Variants in KIF26B observed in about 807,000 individuals in gnomAD.
KIF26B encodes the protein kinesin-like protein KIF26B.
Under a neutral mutation model 151.2 loss-of-function variants are expected in KIF26B, and 63 were observed. That is an observed-to-expected ratio of 0.42 (90% confidence interval 0.34 to 0.51). The LOEUF is 0.51. Among genes scored for constraint, KIF26B ranks in the 20% least tolerant of loss-of-function variants. KIF26B has a pLI of 0.07. For synonymous variants in KIF26B, 1,357 were observed against 1,262.1 expected (o/e 1.08, Z -1.59); for missense variants, 2,813 against 2,913.6 (o/e 0.97, Z 0.79).
At chr1:245,398,827 G>A (rs1229788778) in intron 3 of KIF26B, among the ~76,000 whole-genome samples, 1 of 151,622 alleles carries the variant, frequency 6.6e-6, no homozygotes, top group Non-Finnish European at 1.5e-5. Flanking sequence ...TTACAGAAAA[G>A]TTGCAAGAAT....
chr1:245,696,488 G>A (rs1048140537), intron 12 of KIF26B, among the ~76,000 whole-genome samples: 35 of 152,232 alleles, frequency 2.3e-4, no homozygotes, highest in Admixed American at 2.3e-3. Context: ...CAACCCACAG[G>A]GATATGTGAG....
At chr1:245,288,431 C>T (rs1671202217) in intron 2 of KIF26B, among the ~76,000 whole-genome samples, 1 of 152,174 alleles carries the variant, frequency 6.6e-6, no homozygotes, top group Non-Finnish European at 1.5e-5. Flanking sequence ...GCCTCCGGAA[C>T]ATACTTCCAA....
intron 9 of KIF26B, among the ~76,000 whole-genome samples, chr1:245,645,907 G>T (rs536225197): frequency 2.1e-4 from 32 of 152,332 alleles, no homozygotes; most frequent in Non-Finnish European, 4.0e-4. Context: ...GTAGGCTTTA[G>T]AAGGTCAGTG....
At chr1:245,377,373 C>T (rs1209453160) in intron 3 of KIF26B, among the ~76,000 whole-genome samples, 1 of 152,178 alleles carries the variant, frequency 6.6e-6, no homozygotes, top group Non-Finnish European at 1.5e-5. Context: ...TCTGATGCAT[C>T]CCTCCAATCT....
In KIF26B at chr1:245,576,190, C is replaced by T. The variant is rs148192577; in HGVS notation, c.1351-26387C>T. Among the ~76,000 whole-genome samples, 39 of 152,220 alleles carry T rather than the reference C, an allele frequency of 2.6e-4. No homozygotes were observed. In the Middle Eastern group the frequency reaches 0.01, roughly 40 times the overall value. Reference sequence around the variant, plus strand: ...ACAAGCGCAGGTGATCCTCATGAGCCCAGACTGATATTTCTAAATTATCTA... The same window carrying T: ...ACAAGCGCAGGTGATCCTCATGAGCTCAGACTGATATTTCTAAATTATCTA... On this transcript the variant is annotated intron_variant, in intron 5 of 14. Coordinates refer to ENST00000407071, the MANE Select transcript of KIF26B (RefSeq NM_018012.4).
intron 5 of KIF26B, among the ~76,000 whole-genome samples, chr1:245,568,364 A>G (rs1315236726): frequency 6.6e-6 from 1 of 151,460 alleles, no homozygotes; most frequent in Non-Finnish European, 1.5e-5. Context: ...GTTTTTTAAA[A>G]ATTAGCCAGG....
intron 2 of KIF26B, among the ~76,000 whole-genome samples, chr1:245,364,422 C>CTT (rs763619030): frequency 0.02 from 1,950 of 98,692 alleles, 16 homozygotes; most frequent in African/African-American, 0.025. Context: ...CTCTCTCTCT[C>CTT]TTTTTTTTTT....
intron 2 of KIF26B, among the ~76,000 whole-genome samples, chr1:245,361,897 G>C (rs1672827255): frequency 6.6e-6 from 1 of 151,986 alleles, no homozygotes; most frequent in South Asian, 2.1e-4. Context: ...TGTCAGTGCA[G>C]ATGATAGAAC....
chr1:245,653,533 T>G (rs1016057468), intron 10 of KIF26B, among the ~76,000 whole-genome samples: 1 of 152,166 alleles, frequency 6.6e-6, no homozygotes, highest in Admixed American at 6.5e-5. Flanking sequence ...ACATAGGTAC[T>G]GTAATCATAC....
In KIF26B at chr1:245,606,402, A is replaced by G. The variant is rs547623708; in HGVS notation, c.1558-1249A>G. Among the ~76,000 whole-genome samples, 171 of 151,640 alleles carry G rather than the reference A, an allele frequency of 1.1e-3. 1 individual carries two copies. The highest frequency in any genetic ancestry group is 4.0e-3 in the African/African-American group (168 of 41,572). ...GCCCCATGTTAGCACTGCCTCCCGG[A>G]GCTCCCACGAGCCCTGACTCCGGCC... is the stretch of plus-strand genomic sequence containing the variant. On this transcript the variant is annotated intron_variant, in intron 6 of 14. Coordinates refer to ENST00000407071, the MANE Select transcript of KIF26B (RefSeq NM_018012.4). The surrounding 1 kb of genome is among the most constrained non-coding windows in gnomAD (Gnocchi z 4.6).
chr1:245,351,077 G>A (rs1672558400), intron 2 of KIF26B, among the ~76,000 whole-genome samples: 1 of 152,148 alleles, frequency 6.6e-6, no homozygotes, highest in Non-Finnish European at 1.5e-5. Flanking sequence ...TGTAGACCGG[G>A]GAAGACACTG....
At chr1:245,158,870 G>GTGTGTGTGTGTGGT (rs556695816) in intron 2 of KIF26B, among the ~76,000 whole-genome samples, 77 of 42,556 alleles carry the variant, frequency 1.8e-3, no homozygotes, top group Non-Finnish European at 1.6e-3. Flanking sequence ...GTGTGTGTGT[G>GTGTGTGTGTGTGGT]GTGTGTGTTT....
At chr1:245,676,064 A>T (rs1179640356) in intron 10 of KIF26B, 1 of 152,180 alleles carries the variant, frequency 6.6e-6, no homozygotes, top group African/African-American at 2.4e-5. Context: ...GAAATGCAAT[A>T]ATCTCCCAAA....
At chr1:245,293,368 G>A (rs1671286111) in intron 2 of KIF26B, among the ~76,000 whole-genome samples, 1 of 152,028 alleles carries the variant, frequency 6.6e-6, no homozygotes, top group African/African-American at 2.4e-5. Flanking sequence ...CCCTTGCAGG[G>A]CATGGATTTG....
At chr1:245,210,525 T>TTTA (rs10683919) in intron 2 of KIF26B, among the ~76,000 whole-genome samples, 3 of 146,572 alleles carry the variant, frequency 2.0e-5, no homozygotes, top group Non-Finnish European at 4.5e-5. Context: ...TTTTTTTTTT[T>TTTA]ACTGTATTTG....
chr1:245,497,047 G>A lies in KIF26B; in HGVS notation c.1167-43720G>A, dbSNP rs571251888. On this transcript the variant is annotated intron_variant, in intron 4 of 14. Transcript: ENST00000407071. Reference sequence around the variant, plus strand: ...GCATGTCTGTAATCGCAACTACTCGGGAGGTTGAGGCAGGAGAATTGCTTG... The same window carrying A: ...GCATGTCTGTAATCGCAACTACTCGAGAGGTTGAGGCAGGAGAATTGCTTG... Among the ~76,000 whole-genome samples, 343 of 152,012 alleles carry A rather than the reference G, an allele frequency of 2.3e-3. 1 individual carries two copies. The highest frequency in any genetic ancestry group is 5.0e-3 in the Admixed American group (77 of 15,264).
chr1:245,451,466 T>C (rs972856098), intron 4 of KIF26B, among the ~76,000 whole-genome samples: 15 of 152,140 alleles, frequency 9.9e-5, no homozygotes, highest in African/African-American at 3.4e-4. Context: ...TTTTTTAATT[T>C]ATGAATTTAT....
intron 2 of KIF26B, among the ~76,000 whole-genome samples, chr1:245,313,912 C>A (rs1335930542): frequency 6.6e-6 from 1 of 152,192 alleles, no homozygotes; most frequent in Non-Finnish European, 1.5e-5. Flanking sequence ...TCTCTTCTTT[C>A]ATGGCACCCC....
intron 4 of KIF26B, among the ~76,000 whole-genome samples, chr1:245,424,177 A>T (rs554292449): frequency 1.2e-4 from 19 of 152,090 alleles, no homozygotes; most frequent in African/African-American, 4.1e-4. Context: ...TTTGAGATGG[A>T]GTCCCACTCA....
Sources: gnomAD v4.1 joint callset for allele counts (sites outside exome capture counted in the v4.1 genomes callset) on GRCh38, gnomAD v4.1.1 for gene constraint, Gnocchi (gnomAD v3.1) non-coding constraint, MANE v1.5 for transcripts, NCBI Gene and HGNC (gene_info 2026-07-23, HGNC 2026-07-21) for gene names.